Variants in PALS1 observed in about 807,000 individuals in gnomAD.
The protein encoded by PALS1 is protein PALS1.
PALS1 carries 31 observed loss-of-function variants against 78.9 expected under a neutral mutation model. The ratio of observed to expected loss-of-function variants is 0.39; its 90% CI spans 0.30 to 0.53. The LOEUF is 0.53. Among genes scored for constraint, PALS1 ranks in the 20% least tolerant of loss-of-function variants. PALS1 has a pLI of 0.67. For missense variants in PALS1, 704 were observed against 826.5 expected, an observed-to-expected ratio of 0.85 and a Z score of 1.82; for synonymous variants, 276 against 270.9, an observed-to-expected ratio of 1.02 and a Z score of -0.18.
At chr14:67,296,706 A>AACTTATATG (rs542937487) in intron 4 of PALS1, among the ~76,000 whole-genome samples, 170 of 152,252 alleles carry the variant, frequency 1.1e-3, no homozygotes, top group South Asian at 2.1e-3. Flanking sequence ...TAAAAGAATT[A>AACTTATATG]ACTTATATGA....
At chr14:67,323,887 C>T (rs2085308391) in intron 14 of PALS1, 75 bp downstream of exon 14, 5 of 755,394 alleles carry the variant, frequency 6.6e-6, no homozygotes. Flanking sequence ...TGTCCTGGTG[C>T]TTAAAAGCTA....
intron 14 of PALS1, among the ~76,000 whole-genome samples, chr14:67,324,184 T>G (rs1322335650): frequency 6.6e-6 from 1 of 152,240 alleles, no homozygotes; most frequent in Non-Finnish European, 1.5e-5. Context: ...TTTATCCCAC[T>G]GAAACTTTAT....
chr14:67,286,310 C>G lies in PALS1; in HGVS notation c.368-6201C>G, dbSNP rs371090272. On this transcript the variant is annotated intron_variant, in intron 3 of 14. Transcript: ENST00000261681. ...CTGTCCATGTGGTTCCTTCTTGTGT[C>G]TGTTGTCTGTCTGTATGGGATTGGG... Among the ~76,000 whole-genome samples, 8 of 152,208 alleles carry G rather than the reference C, an allele frequency of 5.3e-5. No individual in the cohort carries two copies. In the East Asian group the frequency reaches 5.8e-4, roughly 11 times the overall value.
At chr14:67,254,585 G>A (rs1044312852) in intron 1 of PALS1, among the ~76,000 whole-genome samples, 6 of 151,830 alleles carry the variant, frequency 4.0e-5, no homozygotes, top group African/African-American at 1.2e-4. Context: ...TGATACAGTC[G>A]TACTTGTCCT....
At chr14:67,327,691 C>CTG (rs1157315125) in intron 14 of PALS1, among the ~76,000 whole-genome samples, 5 of 151,970 alleles carry the variant, frequency 3.3e-5, no homozygotes, top group Non-Finnish European at 5.9e-5. Context: ...ACCCTGTGTC[C>CTG]TGGTGTTCTC....
intron 11 of PALS1, among the ~76,000 whole-genome samples, chr14:67,319,728 T>C (rs1033253585): frequency 6.6e-6 from 1 of 152,154 alleles, no homozygotes; most frequent in African/African-American, 2.4e-5. Context: ...GGGCCACGGG[T>C]TGGACGAGCT....
chr14:67,253,317 T>C lies in PALS1; in HGVS notation c.-237+11784T>C, dbSNP rs144873194. Among the ~76,000 whole-genome samples the C allele has an allele frequency of 2.4e-3, 364 of 152,348 alleles. 9 individuals carry two copies. Among genetic ancestry groups the C allele is most frequent in the East Asian group, 0.017 (86 of 5,184 alleles). On this transcript the variant is annotated intron_variant, in intron 1 of 14. Coordinates refer to ENST00000261681, the MANE Select transcript of PALS1 (RefSeq NM_022474.4). Reference sequence around the variant, plus strand: ...TAGGAGTTGTGTGACTTGGTTGTTATAGTCTGAGGTAATGATGAATAATTA... The same window carrying C: ...TAGGAGTTGTGTGACTTGGTTGTTACAGTCTGAGGTAATGATGAATAATTA...
At chr14:67,329,314 T>A (rs1329662705) in intron 14 of PALS1, among the ~76,000 whole-genome samples, 1 of 152,260 alleles carries the variant, frequency 6.6e-6, no homozygotes, top group Non-Finnish European at 1.5e-5. Context: ...TTGTGATTTC[T>A]GCACATTGAT....
chr14:67,308,323 T>TC (rs937478628), intron 8 of PALS1, among the ~76,000 whole-genome samples: 13 of 150,568 alleles, frequency 8.6e-5, no homozygotes, highest in African/African-American at 3.2e-4. Context: ...CCTTTTTTTT[T>TC]TTTTTCTTTT....
At position 67,283,522 on chromosome 14, in the gene PALS1, A is replaced by G. The variant is rs184685796; in HGVS notation, c.367+3985A>G. Among the ~76,000 whole-genome samples the G allele has an allele frequency of 6.0e-4, 92 of 152,240 alleles. 7 individuals carry two copies. The East Asian group carries it at 8.3e-3, about 14-fold the overall frequency. On this transcript the variant is annotated intron_variant, in intron 3 of 14. Transcript: ENST00000261681. ...TCAGCCTGCTTCTGAGAAGTTGATTATTTTTACTATCAAATTTTTGTTTAG... is the reference window on the plus strand; with the variant it reads ...TCAGCCTGCTTCTGAGAAGTTGATTGTTTTTACTATCAAATTTTTGTTTAG...
chr14:67,315,683 T>C (rs996505591), intron 9 of PALS1, among the ~76,000 whole-genome samples: 1 of 152,140 alleles, frequency 6.6e-6, no homozygotes, highest in African/African-American at 2.4e-5. Context: ...CCTGGCACTT[T>C]GGGAGGCCAA....
intron 14 of PALS1, among the ~76,000 whole-genome samples, chr14:67,325,831 CAG>C (rs2085344643): frequency 6.7e-6 from 1 of 148,888 alleles, no homozygotes; most frequent in Non-Finnish European, 1.5e-5. Flanking sequence ...TTTTTTGAGA[CAG>C]AGTCTTACTC....
chr14:67,270,851 T>C (rs1258811984), intron 2 of PALS1: 2 of 111,836 alleles, frequency 1.8e-5, no homozygotes, highest in African/African-American at 1.1e-4. Context: ...GGTGAAGTAA[T>C]TATTTAACAG....
chr14:67,329,948 T>C (rs1595624239), intron 14 of PALS1, among the ~76,000 whole-genome samples: 3 of 149,774 alleles, frequency 2.0e-5, no homozygotes, highest in East Asian at 1.9e-4. Flanking sequence ...AGTTATGTAA[T>C]TGTACTCTGA....
intron 1 of PALS1, among the ~76,000 whole-genome samples, chr14:67,250,407 A>G (rs1030632803): frequency 6.6e-6 from 1 of 152,220 alleles, no homozygotes; most frequent in African/African-American, 2.4e-5. Flanking sequence ...AAAATAAGTT[A>G]TGTGTTAAAC....
At chr14:67,285,875 G>T (rs1288177881) in intron 3 of PALS1, among the ~76,000 whole-genome samples, 1 of 152,044 alleles carries the variant, frequency 6.6e-6, no homozygotes, top group Non-Finnish European at 1.5e-5. Flanking sequence ...GTGGATTTGT[G>T]GACCCATGTG....
chr14:67,246,686 C>T (rs549895254), intron 1 of PALS1, among the ~76,000 whole-genome samples: 68 of 125,386 alleles, frequency 5.4e-4, no homozygotes, highest in Non-Finnish European at 8.4e-4. Flanking sequence ...GAGTCTTGCT[C>T]TCTCGCCAGG....
chr14:67,274,082 C>G (rs1295679512), intron 2 of PALS1, among the ~76,000 whole-genome samples: 3 of 152,292 alleles, frequency 2.0e-5, no homozygotes, highest in African/African-American at 7.2e-5. Context: ...TGCCTGTTCA[C>G]TCTGATGGTA....
intron 9 of PALS1, among the ~76,000 whole-genome samples, 177 bp from the exon 10 acceptor site, chr14:67,316,655 T>G (rs2085180093): frequency 6.6e-6 from 1 of 152,176 alleles, no homozygotes; most frequent in African/African-American, 2.4e-5. Context: ...AGAGTTAATA[T>G]TTTAAAAATT....
Sources: gnomAD v4.1 joint callset for allele counts (sites outside exome capture counted in the v4.1 genomes callset) on GRCh38, gnomAD v4.1.1 for gene constraint, MANE v1.5 for transcripts, NCBI Gene and HGNC (gene_info 2026-07-23, HGNC 2026-07-21) for gene names.